SLC24A2: variants seen among roughly 807,000 people sequenced by gnomAD.
The protein encoded by SLC24A2 is sodium/potassium/calcium exchanger 2.
SLC24A2 carries 36 observed loss-of-function variants against 62.0 expected under a neutral mutation model. The ratio of observed to expected loss-of-function variants is 0.58; its 90% CI spans 0.44 to 0.77. The LOEUF is 0.77. Ranked by LOEUF, SLC24A2 falls within the 30% of genes least tolerant of loss-of-function variation. SLC24A2 has a pLI of 0.00. For synonymous variants in SLC24A2, 358 were observed against 294.0 expected, an observed-to-expected ratio of 1.22 and a Z score of -2.23; for missense variants, 846 against 817.9, an observed-to-expected ratio of 1.03 and a Z score of -0.42.
At chr9:20,113,081 T>G in the SLC24A2 span, among the ~76,000 whole-genome samples, 1 of 149,344 alleles carries the variant, frequency 6.7e-6, no homozygotes, top group African/African-American at 2.5e-5. Context: ...CCTCAGAGTT[T>G]TGGGGCATAG....
At chr9:19,559,890 T>C (rs1047545319) in intron 7 of SLC24A2, among the ~76,000 whole-genome samples, 13 of 152,344 alleles carry the variant, frequency 8.5e-5, no homozygotes, top group African/African-American at 3.1e-4. Context: ...AACATTATAC[T>C]TGAAATTGAA....
the SLC24A2 span, among the ~76,000 whole-genome samples, chr9:20,233,027 T>C: frequency 6.6e-6 from 1 of 152,140 alleles, no homozygotes; most frequent in Non-Finnish European, 1.5e-5. Context: ...TCCATGTAGT[T>C]GAGTGGTTTT....
intron 2 of SLC24A2, among the ~76,000 whole-genome samples, chr9:19,770,120 C>A (rs1018917629): frequency 1.5e-4 from 23 of 151,354 alleles, no homozygotes; most frequent in African/African-American, 4.8e-4. Context: ...AGCCAGGAAA[C>A]CTAACTTGCC....
At chr9:19,865,115 C>T in the SLC24A2 span, among the ~76,000 whole-genome samples, 23 of 151,950 alleles carry the variant, frequency 1.5e-4, no homozygotes, top group South Asian at 1.9e-3. Flanking sequence ...ACGTAGGAAT[C>T]GACTTAACCG....
At chr9:19,810,613 T>A in the SLC24A2 span, among the ~76,000 whole-genome samples, 2 of 152,210 alleles carry the variant, frequency 1.3e-5, no homozygotes, top group Non-Finnish European at 2.9e-5. Flanking sequence ...CTTACTTTAA[T>A]GTCTGAAGAA....
At chr9:20,045,748 T>C in the SLC24A2 span, among the ~76,000 whole-genome samples, 1 of 152,296 alleles carries the variant, frequency 6.6e-6, no homozygotes, top group East Asian at 1.9e-4. Flanking sequence ...ATTAATACTA[T>C]GTGCCACACA....
rs112620815 is a variant in SLC24A2 at position 19,622,380 on chromosome 9, C to T, written c.931-81G>A. On this transcript the variant is annotated intron_variant, in intron 2 of 10. Coordinates refer to ENST00000341998, the MANE Select transcript of SLC24A2 (RefSeq NM_020344.4). ...CACATATGGCATTTACATTTAATAA[C>T]AAGCATCAGTATAGGGGAAGATTTC... is the stretch of plus-strand genomic sequence containing the variant. 1,221 of 1,374,364 alleles carry T rather than the reference C, an allele frequency of 8.9e-4. 14 individuals are homozygous for T. In the African/African-American group the frequency reaches 0.014, roughly 16 times the overall value. The allele number at this position is 1,374,364 out of a possible 1,614,324, so 85.1% of individuals were successfully genotyped here. A position where few individuals can be genotyped will look rare whatever the true frequency, so the allele number is the denominator to read the frequency against.
chr9:19,995,780 C>A, the SLC24A2 span, among the ~76,000 whole-genome samples: 2 of 152,222 alleles, frequency 1.3e-5, no homozygotes, highest in Non-Finnish European at 2.9e-5. Flanking sequence ...AGGCAGTGCA[C>A]CCCAGCATCT....
At chr9:19,580,491 A>C (rs1310060106) in intron 5 of SLC24A2, among the ~76,000 whole-genome samples, 1 of 152,196 alleles carries the variant, frequency 6.6e-6, no homozygotes, top group African/African-American at 2.4e-5. Context: ...AACAGGATAT[A>C]TGTGAGCGTG....
chr9:19,631,594 C>T (rs1247955766), intron 2 of SLC24A2, among the ~76,000 whole-genome samples: 1 of 152,094 alleles, frequency 6.6e-6, no homozygotes, highest in Non-Finnish European at 1.5e-5. Flanking sequence ...GTGCTGCCAC[C>T]CCACGGATGC....
At chr9:20,142,478 C>T in the SLC24A2 span, among the ~76,000 whole-genome samples, 1 of 152,032 alleles carries the variant, frequency 6.6e-6, no homozygotes, top group African/African-American at 2.4e-5. Flanking sequence ...TTAATTTACA[C>T]TACGTTTGTC....
the SLC24A2 span, among the ~76,000 whole-genome samples, chr9:20,275,160 G>T: frequency 6.6e-6 from 1 of 152,272 alleles, no homozygotes; most frequent in East Asian, 1.9e-4. Flanking sequence ...CAGCAGTGGG[G>T]CCTGAAGCTA....
chr9:19,676,523 C>A (rs1445510669), intron 2 of SLC24A2, among the ~76,000 whole-genome samples: 2 of 152,118 alleles, frequency 1.3e-5, no homozygotes, highest in Non-Finnish European at 2.9e-5. Context: ...TTATCTATAT[C>A]TTCTATTTTT....
the SLC24A2 span, among the ~76,000 whole-genome samples, chr9:20,304,448 G>T: frequency 6.6e-6 from 1 of 152,094 alleles, no homozygotes; most frequent in Admixed American, 6.5e-5. Context: ...AAAATACAGA[G>T]ATAGAGATAA....
At chr9:19,686,734 C>G (rs1819892682) in intron 2 of SLC24A2, among the ~76,000 whole-genome samples, 2 of 152,260 alleles carry the variant, frequency 1.3e-5, no homozygotes, top group South Asian at 4.1e-4. Context: ...CCTCCCCAGC[C>G]ATGCTGAACT....
chr9:20,117,394 C>A, the SLC24A2 span, among the ~76,000 whole-genome samples: 1 of 151,994 alleles, frequency 6.6e-6, no homozygotes, highest in Non-Finnish European at 1.5e-5. Context: ...TCATTTTTTT[C>A]ATTTCATGGT....
the SLC24A2 span, among the ~76,000 whole-genome samples, chr9:19,963,810 G>A: frequency 6.6e-6 from 1 of 152,284 alleles, no homozygotes; most frequent in East Asian, 1.9e-4. Context: ...AGTCAGTGTG[G>A]CGATTCCTCG....
At chr9:19,520,731 G>A (rs529199990) in intron 10 of SLC24A2, among the ~76,000 whole-genome samples, 163 bp downstream of exon 10, 1 of 152,132 alleles carries the variant, frequency 6.6e-6, no homozygotes, top group South Asian at 2.1e-4. Context: ...ATGAGAAAAT[G>A]AGAAATAGAA....
chr9:20,250,318 G>A, the SLC24A2 span, among the ~76,000 whole-genome samples: 2 of 152,166 alleles, frequency 1.3e-5, no homozygotes, highest in African/African-American at 2.4e-5. Context: ...AGTCCTACAG[G>A]TCTTCTCCTC....
Sources: allele counts gnomAD v4.1 joint callset (sites outside exome capture counted in the v4.1 genomes callset), GRCh38; gene constraint gnomAD v4.1.1; transcripts MANE v1.5; gene names NCBI Gene and HGNC (gene_info 2026-07-23, HGNC 2026-07-21).